SMARCA2: variants seen among roughly 807,000 people sequenced by gnomAD.
SMARCA2 encodes the protein SWI/SNF related BAF chromatin remodeling complex subunit ATPase 2, also known as SWI/SNF-related matrix-associated actin-dependent regulator of chromatin subfamily A member 2.
SMARCA2 carries 61 observed loss-of-function variants against 199.8 expected under a neutral mutation model. The observed-to-expected ratio is 0.31, with a 90% CI of 0.25 to 0.38. The LOEUF (loss-of-function observed/expected upper bound fraction) is 0.38, where lower values mean the gene tolerates loss of function less well. SMARCA2 is among the 10% of genes least tolerant of loss of function. The pLI is 1.00. For missense variants in SMARCA2, 1,344 were observed against 2,012.2 expected (o/e 0.67, Z 6.35); for synonymous variants, 935 against 732.0 (o/e 1.28, Z -4.48).
chr9:2,181,575 G>C lies in SMARCA2; in HGVS notation c.4258G>C (p.Gly1420Arg), dbSNP rs370103754. ...TTTGTTTCACCCATCCTACAGTTCA[G>C]GGCGACAGCTCAGTGAAGTCTTCAT... is the stretch of plus-strand genomic sequence containing the variant. ...SQLEIEGNSS[G>R]RQLSEVFIQL... is the part of the protein sequence containing the mutation. Residue 1420 changes from glycine to arginine, a missense_variant, in exon 30 of 34, where the codon GGG becomes CGG. Transcript: ENST00000349721. 13 of 1,561,748 alleles carry C rather than the reference G, an allele frequency of 8.3e-6. No homozygotes were observed. In the South Asian group the frequency reaches 1.0e-4, roughly 12 times the overall value.
chr9:2,131,043 C>G (rs971290526), intron 27 of SMARCA2, among the ~76,000 whole-genome samples: 3 of 152,192 alleles, frequency 2.0e-5, no homozygotes, highest in African/African-American at 7.2e-5. Context: ...TTTGCTCTTT[C>G]TGCCAACTTC....
intron 27 of SMARCA2, among the ~76,000 whole-genome samples, chr9:2,129,228 C>G (rs1352428641): frequency 1.3e-5 from 2 of 152,116 alleles, no homozygotes; most frequent in Non-Finnish European, 2.9e-5. Context: ...ACCATCCTGG[C>G]TAACACGGTG....
At chr9:2,118,844 T>C (rs1304032236) in intron 25 of SMARCA2, among the ~76,000 whole-genome samples, 1 of 152,196 alleles carries the variant, frequency 6.6e-6, no homozygotes, top group Non-Finnish European at 1.5e-5. Flanking sequence ...TGAGGTTTTT[T>C]TTGTTACTGA....
intron 27 of SMARCA2, among the ~76,000 whole-genome samples, chr9:2,124,489 T>C (rs1397099651): frequency 1.3e-5 from 2 of 152,194 alleles, no homozygotes; most frequent in Non-Finnish European, 2.9e-5. Flanking sequence ...ATGAAGAAAC[T>C]GAGGCCCAGA....
intron 27 of SMARCA2, among the ~76,000 whole-genome samples, chr9:2,143,173 T>C (rs1281649451): frequency 1.3e-5 from 2 of 152,128 alleles, no homozygotes; most frequent in East Asian, 3.9e-4. Context: ...AAGATGAGGA[T>C]GCTTTGGGTA....
intron 27 of SMARCA2, among the ~76,000 whole-genome samples, chr9:2,151,756 A>G (rs1381700212): frequency 6.6e-6 from 1 of 152,030 alleles, no homozygotes; most frequent in Non-Finnish European, 1.5e-5. Flanking sequence ...AAATGAATTA[A>G]AAAATATGTA....
At chr9:2,127,327 G>A (rs1187676936) in intron 27 of SMARCA2, among the ~76,000 whole-genome samples, 1 of 152,126 alleles carries the variant, frequency 6.6e-6, no homozygotes, top group Non-Finnish European at 1.5e-5. Flanking sequence ...AGTAGCACTG[G>A]ATTGACAGAT....
At chr9:2,155,532 T>C (rs559088592) in intron 27 of SMARCA2, among the ~76,000 whole-genome samples, 6 of 152,192 alleles carry the variant, frequency 3.9e-5, no homozygotes, top group Non-Finnish European at 8.8e-5. Flanking sequence ...CCACCCGCCT[T>C]GGCCTCCCAA....
chr9:2,161,643 A>T lies in SMARCA2; in HGVS notation c.3982-43A>T, dbSNP rs766436503. ...TACACATACTTTTTTTGTCTTGGTT[A>T]TTCTCTTGTCTTGAATTTGTCTCCT... On this transcript the variant is annotated intron_variant, in intron 27 of 33. Transcript: ENST00000349721. The surrounding 1 kb of genome is among the most constrained non-coding windows in gnomAD (Gnocchi z 4.7). The T allele has an allele frequency of 2.2e-6, 3 of 1,371,040 alleles. No homozygotes were observed. Among genetic ancestry groups the T allele is most frequent in the South Asian group, 1.2e-5 (1 of 83,574 alleles). 84.9% of individuals were successfully genotyped at this position (1,371,040 alleles called of 1,614,324 possible). A position where few individuals can be genotyped will look rare whatever the true frequency, so the allele number is the denominator to read the frequency against.
Position 2,016,494 on chromosome 9 carries a change from G to C in SMARCA2, c.-37+1090G>C, listed in dbSNP as rs1394350801. 1 of 152,808 alleles carries C rather than the reference G, an allele frequency of 6.5e-6. No individual in the cohort carries two copies. Among genetic ancestry groups the C allele is most frequent in the Non-Finnish European group, 1.5e-5 (1 of 68,588 alleles). 9.5% of individuals were successfully genotyped at this position (152,808 alleles called of 1,614,324 possible). A position where few individuals can be genotyped will look rare whatever the true frequency, so the allele number is the denominator to read the frequency against. Reference sequence around the variant, plus strand: ...GGAGCTGCGGGCGTGGGGCGCCTGCGATCGTCCGGGTGCTAGGGGCGCGCC... The same window carrying C: ...GGAGCTGCGGGCGTGGGGCGCCTGCCATCGTCCGGGTGCTAGGGGCGCGCC... On this transcript the variant is annotated intron_variant, in intron 1 of 33. Transcript: ENST00000349721. This position sits in a 1 kb window ranked among gnomAD's most constrained non-coding sequence, Gnocchi z 5.6.
chr9:2,043,290 A>T (rs937797526), intron 4 of SMARCA2: 3 of 152,194 alleles, frequency 2.0e-5, no homozygotes, highest in African/African-American at 7.2e-5. Context: ...GCCACCACCA[A>T]AGAATTATGA....
intron 8 of SMARCA2, 37 bp downstream of exon 8, chr9:2,058,501 A>G: frequency 6.4e-7 from 1 of 1,571,094 alleles, no homozygotes. Flanking sequence ...GAAACTACTC[A>G]ACCCACGTCC....
At chr9:2,028,901 G>T (rs1462958336) in intron 1 of SMARCA2, 86 bp from the exon 2 acceptor site, 2 of 1,097,394 alleles carry the variant, frequency 1.8e-6, no homozygotes, top group African/African-American at 3.2e-5. Context: ...TACAGAAATG[G>T]CACCATCAAA....
Position 2,123,666 on chromosome 9 carries a change from C to A in SMARCA2, c.3763-53C>A. The A allele has an allele frequency of 6.6e-7, 1 of 1,504,902 alleles. No individual in the cohort carries two copies. The highest frequency in any genetic ancestry group is 9.2e-7 in the Non-Finnish European group (1 of 1,085,962). The allele number at this position is 1,504,902 out of a possible 1,614,324, so 93.2% of individuals were successfully genotyped here. A position where few individuals can be genotyped will look rare whatever the true frequency, so the allele number is the denominator to read the frequency against. ...GGGAAGTTGTGTAGTGCTGGGAAGT[C>A]TGCACCATACAGAAGCCCTGACTTT... On this transcript the variant is annotated intron_variant, in intron 26 of 33. Coordinates refer to ENST00000349721, the MANE Select transcript of SMARCA2 (RefSeq NM_003070.5). This position sits in a 1 kb window ranked among gnomAD's most constrained non-coding sequence, Gnocchi z 4.1.
At chr9:2,054,119 C>T (rs975403153) in intron 5 of SMARCA2, among the ~76,000 whole-genome samples, 25 of 152,320 alleles carry the variant, frequency 1.6e-4, no homozygotes, top group South Asian at 4.1e-4. Context: ...TTGCTCACTG[C>T]GCTTTAATGG....
At chr9:2,111,140 G>T (rs890818109) in intron 24 of SMARCA2, among the ~76,000 whole-genome samples, 1 of 151,498 alleles carries the variant, frequency 6.6e-6, no homozygotes, top group African/African-American at 2.4e-5. Flanking sequence ...TATTGGGTAG[G>T]GTGATATTGG....
intron 23 of SMARCA2, among the ~76,000 whole-genome samples, chr9:2,105,729 C>T (rs1285744103): frequency 1.3e-5 from 2 of 152,192 alleles, no homozygotes; most frequent in African/African-American, 4.8e-5. Context: ...ATTCGGCACT[C>T]TTCTTTCAAA....
Position 2,160,187 on chromosome 9 carries a change from G to A in SMARCA2, c.3982-1499G>A. 5.1e-6 allele frequency: 2 copies of A among 389,780 alleles called. 1 individual carries two copies. Among genetic ancestry groups the A allele is most frequent in the South Asian group, 1.1e-4 (2 of 18,188 alleles). The allele number at this position is 389,780 out of a possible 1,614,324, so 24.1% of individuals were successfully genotyped here. A position where few individuals can be genotyped will look rare whatever the true frequency, so the allele number is the denominator to read the frequency against. On this transcript the variant is annotated intron_variant, in intron 27 of 33. Transcript: ENST00000349721. The stretch of plus-strand genomic sequence containing the variant: ...GTGGGTGTCCTGCTTTTAGGCAAAT[G>A]AATATTAATGCAATAATGTGAAGCT...
At chr9:2,118,558 C>A (rs1823318249) in intron 25 of SMARCA2, among the ~76,000 whole-genome samples, 1 of 152,154 alleles carries the variant, frequency 6.6e-6, no homozygotes, top group Admixed American at 6.5e-5. Flanking sequence ...GACTGATACA[C>A]TGAAATTCCC....
Sources: allele counts gnomAD v4.1 joint callset (sites outside exome capture counted in the v4.1 genomes callset), GRCh38; gene constraint gnomAD v4.1.1; non-coding constraint Gnocchi (gnomAD v3.1); transcripts MANE v1.5; gene names NCBI Gene and HGNC (gene_info 2026-07-23, HGNC 2026-07-21).